Variants in ROBO2 observed in about 807,000 individuals in gnomAD.
The protein encoded by ROBO2 is roundabout guidance receptor 2, also known as roundabout homolog 2.
ROBO2 carries 53 observed loss-of-function variants against 160.8 expected under a neutral mutation model. The ratio of observed to expected loss-of-function variants is 0.33; its 90% confidence interval spans 0.26 to 0.41. The LOEUF (loss-of-function observed/expected upper bound fraction) is 0.41. Among genes scored for constraint, ROBO2 ranks in the 10% least tolerant of loss-of-function variants. The pLI is 1.00. For missense variants in ROBO2, 1,577 were observed against 1,722.4 expected, an observed-to-expected ratio of 0.92 and a Z score of 1.49; for synonymous variants, 664 against 611.7, an observed-to-expected ratio of 1.09 and a Z score of -1.26.
chr3:77,186,313 G>A (rs2081285057), intron 2 of ROBO2, among the ~76,000 whole-genome samples: 1 of 151,916 alleles, frequency 6.6e-6, no homozygotes, highest in African/African-American at 2.4e-5. Flanking sequence ...AGCTTTACTG[G>A]TGATCTTGTA....
intron 2 of ROBO2, among the ~76,000 whole-genome samples, chr3:76,761,978 A>G (rs1277322700): frequency 6.6e-6 from 1 of 150,746 alleles, no homozygotes. Context: ...TAATAAGATC[A>G]TGAGACATTT....
intron 2 of ROBO2, among the ~76,000 whole-genome samples, chr3:77,417,380 G>A (rs12497293): frequency 0.19 from 29,464 of 152,048 alleles, 3,601 homozygotes; most frequent in Middle Eastern, 0.28. Flanking sequence ...TTAGGAGGAT[G>A]TGATTAAGTA....
intron 2 of ROBO2, among the ~76,000 whole-genome samples, chr3:76,720,213 C>T (rs1004452188): frequency 4.6e-5 from 7 of 152,056 alleles, no homozygotes; most frequent in Non-Finnish European, 8.8e-5. Flanking sequence ...CCATGAACCA[C>T]GAAGCAGGCC....
intron 2 of ROBO2, among the ~76,000 whole-genome samples, chr3:76,355,407 A>G (rs1348088303): frequency 2.0e-5 from 3 of 151,700 alleles, no homozygotes; most frequent in Non-Finnish European, 4.4e-5. Flanking sequence ...AGGTAACAAT[A>G]ATCTTCAGTT....
In ROBO2 at chr3:77,613,224, T is replaced by C. The variant is rs541938031; in HGVS notation, c.3294-4289T>C. 9.9e-3 allele frequency among the ~76,000 whole-genome samples: 1,499 copies of C among 152,150 alleles called. 27 individuals carry two copies. The highest frequency in any genetic ancestry group is 0.034 in the African/African-American group (1,431 of 41,544). On this transcript the variant is annotated intron_variant, in intron 21 of 25. Coordinates refer to ENST00000461745, the Ensembl canonical transcript of ROBO2. ...TTCTAATATATTCTCTATGAATTTT[T>C]TTTTTTTTTAAATTTCATGTGTATA...
intron 2 of ROBO2, among the ~76,000 whole-genome samples, chr3:76,312,997 A>G (rs2071705921): frequency 6.6e-6 from 1 of 152,196 alleles, no homozygotes; most frequent in East Asian, 1.9e-4. Context: ...ACATATGACC[A>G]CTTTTTCCAA....
intron 2 of ROBO2, among the ~76,000 whole-genome samples, chr3:77,271,685 T>G (rs1486985673): frequency 6.6e-6 from 1 of 152,146 alleles, no homozygotes; most frequent in Non-Finnish European, 1.5e-5. Context: ...AGTGAGAAAA[T>G]TCAAGTACTA....
At chr3:76,925,197 C>A (rs1002327176) in intron 2 of ROBO2, among the ~76,000 whole-genome samples, 2 of 128,128 alleles carry the variant, frequency 1.6e-5, no homozygotes, top group African/African-American at 6.0e-5. Flanking sequence ...GGCGACAGAG[C>A]GAGACTCCGT....
chr3:76,173,885 G>T (rs1011648661), intron 2 of ROBO2, among the ~76,000 whole-genome samples: 1 of 152,086 alleles, frequency 6.6e-6, no homozygotes, highest in Admixed American at 6.6e-5. Context: ...ACCCAGTAAC[G>T]GGATTGCTGG....
chr3:77,337,334 G>C (rs2153448296), intron 2 of ROBO2, among the ~76,000 whole-genome samples: 1 of 152,144 alleles, frequency 6.6e-6, no homozygotes, highest in Non-Finnish European at 1.5e-5. Context: ...AAGAAAAATG[G>C]CATCTCTTCC....
intron 2 of ROBO2, among the ~76,000 whole-genome samples, chr3:76,121,710 A>G (rs2070760638): frequency 6.6e-6 from 1 of 152,106 alleles, no homozygotes; most frequent in Admixed American, 6.6e-5. Flanking sequence ...CTGAATAGTT[A>G]TTCTTTTTAT....
At chr3:77,345,590 T>G (rs1322189621) in intron 2 of ROBO2, among the ~76,000 whole-genome samples, 1 of 152,122 alleles carries the variant, frequency 6.6e-6, no homozygotes, top group Non-Finnish European at 1.5e-5. Flanking sequence ...AACTCATAAC[T>G]CACACAACTA....
intron 2 of ROBO2, among the ~76,000 whole-genome samples, chr3:76,034,147 G>A (rs1278901134): frequency 1.3e-5 from 2 of 152,198 alleles, no homozygotes; most frequent in East Asian, 1.9e-4. Context: ...GCTTTCATGG[G>A]TCATTTGCAG....
At chr3:76,529,594 T>G (rs1033362382) in intron 2 of ROBO2, among the ~76,000 whole-genome samples, 2 of 152,160 alleles carry the variant, frequency 1.3e-5, no homozygotes, top group Non-Finnish European at 2.9e-5. Context: ...TGGAAATGGG[T>G]ATTCAATGAG....
intron 2 of ROBO2, among the ~76,000 whole-genome samples, chr3:76,421,430 TTA>T: frequency 6.6e-6 from 1 of 151,890 alleles, no homozygotes; most frequent in East Asian, 1.9e-4. Flanking sequence ...ATTTCTTCTA[TTA>T]AGAGTGTGTG....
intron 2 of ROBO2, among the ~76,000 whole-genome samples, chr3:77,468,811 T>G (rs553115396): frequency 2.0e-5 from 3 of 152,310 alleles, no homozygotes; most frequent in Admixed American, 1.3e-4. Flanking sequence ...AATGTGCCTG[T>G]GCACAGAATC....
At chr3:77,307,362 TTAAAG>T (rs2063180403) in intron 2 of ROBO2, among the ~76,000 whole-genome samples, 1 of 152,218 alleles carries the variant, frequency 6.6e-6, no homozygotes, top group Non-Finnish European at 1.5e-5. Flanking sequence ...GCTAGCTATT[TTAAAG>T]TAGAGTTTAC....
At chr3:76,129,763 C>T (rs1280172403) in intron 2 of ROBO2, among the ~76,000 whole-genome samples, 1 of 152,038 alleles carries the variant, frequency 6.6e-6, no homozygotes, top group Admixed American at 6.6e-5. Context: ...CAATTCCCCA[C>T]ATGCTTGGAG....
chr3:76,030,629 T>C (rs1301580986), intron 2 of ROBO2, among the ~76,000 whole-genome samples: 2 of 152,236 alleles, frequency 1.3e-5, no homozygotes, highest in Non-Finnish European at 2.9e-5. Context: ...AGGAAATCCT[T>C]TCCCCATTTC....
Sources: gnomAD v4.1 joint callset for allele counts (sites outside exome capture counted in the v4.1 genomes callset) on GRCh38, gnomAD v4.1.1 for gene constraint, MANE v1.5 for transcripts, NCBI Gene and HGNC (gene_info 2026-07-23, HGNC 2026-07-21) for gene names.